AGBL3: variants seen among roughly 807,000 people sequenced by gnomAD.
AGBL3 encodes the protein AGBL carboxypeptidase 3.
A neutral mutation model predicts 94.5 loss-of-function variants in AGBL3; 68 were observed. The ratio of observed to expected loss-of-function variants is 0.72; its 90% CI spans 0.59 to 0.88. The LOEUF is 0.88. Among genes scored for constraint, AGBL3 ranks in the 40% least tolerant of loss-of-function variants. The pLI, the probability that AGBL3 is intolerant of heterozygous loss-of-function variation, is 0.00. For synonymous variants in AGBL3, 354 were observed against 370.7 expected, an observed-to-expected ratio of 0.95 and a Z score of 0.52; for missense variants, 934 against 1,103.8, an observed-to-expected ratio of 0.85 and a Z score of 2.18.
intron 4 of AGBL3, among the ~76,000 whole-genome samples, chr7:135,012,912 GA>G (rs1813334167): frequency 6.6e-6 from 1 of 151,586 alleles, no homozygotes; most frequent in Non-Finnish European, 1.5e-5. Flanking sequence ...GAGCCAGAAA[GA>G]AAAAAGAAAC....
intron 4 of AGBL3, among the ~76,000 whole-genome samples, chr7:134,995,818 C>T (rs1027583892): frequency 2.6e-5 from 4 of 152,152 alleles, no homozygotes; most frequent in Non-Finnish European, 4.4e-5. Flanking sequence ...GGCTATGCCA[C>T]TGTTCTTTTA....
At chr7:135,092,335 A>G (rs1384884572) in intron 15 of AGBL3, 1 of 152,330 alleles carries the variant, frequency 6.6e-6, no homozygotes, top group Non-Finnish European at 1.5e-5. Context: ...TATTCTGAAT[A>G]TAGCTACATA....
chr7:134,996,396 A>G (rs1584763517), intron 4 of AGBL3, among the ~76,000 whole-genome samples: 1 of 152,216 alleles, frequency 6.6e-6, no homozygotes, highest in South Asian at 2.1e-4. Flanking sequence ...TGCGGGGGAC[A>G]TGAAACTCTC....
Position 135,055,942 on chromosome 7 carries a change from A to G in AGBL3, c.1842-3227A>G, listed in dbSNP as rs527507866. 3.1e-4 allele frequency among the ~76,000 whole-genome samples: 47 copies of G among 152,088 alleles called. No individual in the cohort carries two copies. In the South Asian group the frequency reaches 9.3e-3, roughly 30 times the overall value. ...TTCGATTTCTTTAATTGATATATAG[A>G]TCTATATATCTATCTATTAGATCTA... On this transcript the variant is annotated intron_variant, in intron 11 of 16. Transcript: ENST00000436302.
intron 12 of AGBL3, among the ~76,000 whole-genome samples, chr7:135,072,846 T>C (rs1264110538): frequency 6.6e-6 from 1 of 151,822 alleles, no homozygotes; most frequent in African/African-American, 2.4e-5. Flanking sequence ...CACACCAACA[T>C]GGCACATGTA....
intron 14 of AGBL3, 142 bp downstream of exon 14, chr7:135,080,402 C>A: frequency 1.6e-6 from 1 of 620,124 alleles, no homozygotes; most frequent in Non-Finnish European, 2.8e-6. Context: ...CCCTGCAGGA[C>A]CTCATCCTTT....
chr7:135,098,534 C>T (rs1823272306), intron 15 of AGBL3, among the ~76,000 whole-genome samples: 1 of 152,172 alleles, frequency 6.6e-6, no homozygotes, highest in Admixed American at 6.5e-5. Flanking sequence ...ACAAACAATG[C>T]CAACTGTATT....
intron 5 of AGBL3, among the ~76,000 whole-genome samples, chr7:135,021,392 T>C (rs9642009): frequency 0.93 from 140,668 of 151,184 alleles, 66,213 homozygotes; most frequent in Non-Finnish European, 1. Flanking sequence ...CCCAGGTTCA[T>C]GCCATTCTCC....
chr7:135,058,514 A>C (rs1426167448), intron 11 of AGBL3, among the ~76,000 whole-genome samples: 1 of 152,164 alleles, frequency 6.6e-6, no homozygotes, highest in Non-Finnish European at 1.5e-5. Context: ...GACATCTAGG[A>C]AACTCCCCTG....
chr7:135,060,913 C>T (rs1012172548), intron 12 of AGBL3, among the ~76,000 whole-genome samples: 1 of 152,092 alleles, frequency 6.6e-6, no homozygotes, highest in Non-Finnish European at 1.5e-5. Context: ...GATATAGACT[C>T]AGTAGTGGGA....
rs902145787 is a variant in AGBL3 at position 135,056,513 on chromosome 7, G to T, written c.1842-2656G>T. Among the ~76,000 whole-genome samples, 11 of 151,592 alleles carry T rather than the reference G, an allele frequency of 7.3e-5. 1 individual carries two copies. In the South Asian group the frequency reaches 8.3e-4, roughly 11 times the overall value. The stretch of plus-strand genomic sequence containing the variant: ...GGTTATCTATGTAGAAAATATCAAA[G>T]AATTTTTTAAAAACCTGAAACTAAT... On this transcript the variant is annotated intron_variant, in intron 11 of 16. Coordinates refer to ENST00000436302, the MANE Select transcript of AGBL3 (RefSeq NM_178563.4).
At chr7:135,071,898 C>G (rs1055502259) in intron 12 of AGBL3, among the ~76,000 whole-genome samples, 3 of 151,988 alleles carry the variant, frequency 2.0e-5, no homozygotes, top group Non-Finnish European at 2.9e-5. Flanking sequence ...CAACAAAAGC[C>G]AAAATTGACA....
At chr7:135,107,392 C>A (rs567647950) in intron 15 of AGBL3, among the ~76,000 whole-genome samples, 1 of 152,206 alleles carries the variant, frequency 6.6e-6, no homozygotes, top group East Asian at 1.9e-4. Flanking sequence ...TAGCTATGTC[C>A]CAGAGATTCT....
intron 3 of AGBL3, 43 bp downstream of exon 3, chr7:134,989,353 GA>G: frequency 7.5e-7 from 1 of 1,337,930 alleles, no homozygotes; most frequent in African/African-American, 1.5e-5. Context: ...ATAAAACTTT[GA>G]ATGGATAAAA....
At chr7:135,099,497 G>A (rs1162061779) in intron 15 of AGBL3, among the ~76,000 whole-genome samples, 2 of 152,114 alleles carry the variant, frequency 1.3e-5, no homozygotes, top group Admixed American at 6.5e-5. Context: ...CCTAACTTCA[G>A]ATATTTTATG....
At chr7:135,030,528 C>T (rs903933083) in intron 5 of AGBL3, among the ~76,000 whole-genome samples, 5 of 152,102 alleles carry the variant, frequency 3.3e-5, no homozygotes, top group East Asian at 3.9e-4. Flanking sequence ...TTCAGCAATT[C>T]GACTATGGTG....
intron 16 of AGBL3, chr7:135,129,285 T>A: frequency 1.3e-6 from 2 of 1,509,654 alleles, no homozygotes; most frequent in Non-Finnish European, 1.8e-6. Context: ...CTGTACCTTG[T>A]GCAGGTTGAC....
intron 15 of AGBL3, among the ~76,000 whole-genome samples, chr7:135,114,355 C>CT (rs1258872314): frequency 1.3e-5 from 2 of 152,126 alleles, no homozygotes; most frequent in Non-Finnish European, 2.9e-5. Context: ...CTTGCCAGCA[C>CT]TTGTTATTTT....
Position 134,993,587 on chromosome 7 carries a change from G to A in AGBL3, c.219G>A (p.Arg73=), listed in dbSNP as rs1455109324. The A allele has an allele frequency of 1.3e-6, 2 of 1,551,870 alleles. No individual in the cohort carries two copies. The highest frequency in any genetic ancestry group is 3.9e-5 in the Admixed American group (2 of 50,986). ...GRWVPRLREP[R]DLYGVSSSGP... Reference sequence around the variant, plus strand: ...GGGTGCCACGTCTTCGTGAACCAAGGGATTTATATGGTGTCTCTTCTTCTG... The same window carrying A: ...GGGTGCCACGTCTTCGTGAACCAAGAGATTTATATGGTGTCTCTTCTTCTG... The change falls in exon 4 of 17, where the codon AGG becomes AGA. Residue 73 remains arginine (R), a synonymous_variant. Transcript: ENST00000436302.
Sources: allele counts gnomAD v4.1 joint callset (sites outside exome capture counted in the v4.1 genomes callset), GRCh38; gene constraint gnomAD v4.1.1; transcripts MANE v1.5; gene names NCBI Gene and HGNC (gene_info 2026-07-23, HGNC 2026-07-21).